ROBO2: variants seen among roughly 807,000 people sequenced by gnomAD.
ROBO2 encodes the protein roundabout guidance receptor 2, also known as roundabout homolog 2.
A neutral mutation model predicts 160.8 loss-of-function variants in ROBO2; 53 were observed. The ratio of observed to expected loss-of-function variants is 0.33; its 90% CI spans 0.26 to 0.41. The LOEUF is 0.41. Among genes scored for constraint, ROBO2 ranks in the 10% least tolerant of loss-of-function variants. The pLI is 1.00. For missense variants in ROBO2, 1,577 were observed against 1,722.4 expected, an observed-to-expected ratio of 0.92 and a Z score of 1.49; for synonymous variants, 664 against 611.7, an observed-to-expected ratio of 1.09 and a Z score of -1.26.
rs113644757 is a variant in ROBO2 at position 76,078,488 on chromosome 3, C to T, written c.109+140886C>T. ...TCAAGCAATCCTCCTGCCTCAGCTT[C>T]CCAAGTAGCTAGGACTACAGACACA... On this transcript the variant is annotated intron_variant, in intron 2 of 26. Coordinates refer to the ROBO2 transcript ENST00000487694. 9.5e-3 allele frequency among the ~76,000 whole-genome samples: 1,445 copies of T among 152,210 alleles called. 28 individuals carry two copies. The highest frequency in any genetic ancestry group is 0.034 in the African/African-American group (1,399 of 41,516).
chr3:76,709,166 T>G (rs182414062), intron 2 of ROBO2, among the ~76,000 whole-genome samples: 1 of 152,094 alleles, frequency 6.6e-6, no homozygotes, highest in African/African-American at 2.4e-5. Flanking sequence ...TCATTGAAAA[T>G]TAGATATGCA....
chr3:77,558,055 T>C (rs763930018), exon 9 of ROBO2: 1 of 1,613,122 alleles, frequency 6.2e-7, no homozygotes, highest in Non-Finnish European at 8.5e-7. Flanking sequence ...CCTCTTCCTG[T>C]AATTAGCTGG....
At chr3:76,089,399 A>G (rs1003235794) in intron 2 of ROBO2, among the ~76,000 whole-genome samples, 4 of 152,244 alleles carry the variant, frequency 2.6e-5, no homozygotes, top group Admixed American at 6.5e-5. Context: ...CTACAAAACA[A>G]TGTCTCTCAG....
chr3:76,586,990 A>T (rs1403166485), intron 2 of ROBO2, among the ~76,000 whole-genome samples: 1 of 152,162 alleles, frequency 6.6e-6, no homozygotes, highest in Non-Finnish European at 1.5e-5. Flanking sequence ...AGTTTGCTTT[A>T]TACTTTTGTA....
chr3:77,097,816 A>T (rs553916458), intron 1 of ROBO2, among the ~76,000 whole-genome samples, 198 bp from the exon 2 acceptor site: 2 of 152,200 alleles, frequency 1.3e-5, no homozygotes, highest in African/African-American at 2.4e-5. Context: ...CCTTTGAGTT[A>T]ACATATTAAT....
intron 2 of ROBO2, among the ~76,000 whole-genome samples, chr3:76,353,429 G>C (rs1260176564): frequency 6.6e-6 from 1 of 151,958 alleles, no homozygotes; most frequent in Non-Finnish European, 1.5e-5. Flanking sequence ...CTGTGGGGTA[G>C]AGGTAGTTGT....
At chr3:76,812,310 A>T in intron 2 of ROBO2, among the ~76,000 whole-genome samples, 1 of 151,474 alleles carries the variant, frequency 6.6e-6, no homozygotes, top group Non-Finnish European at 1.5e-5. Flanking sequence ...TAAAAATTTT[A>T]AAAATTATAC....
At chr3:77,388,401 T>G (rs980920816) in intron 2 of ROBO2, among the ~76,000 whole-genome samples, 1 of 151,998 alleles carries the variant, frequency 6.6e-6, no homozygotes, top group Non-Finnish European at 1.5e-5. Context: ...GGCAACAGAG[T>G]GAAACCTTGT....
intron 2 of ROBO2, among the ~76,000 whole-genome samples, chr3:76,004,996 C>G (rs2107583205): frequency 6.6e-6 from 1 of 152,278 alleles, no homozygotes; most frequent in East Asian, 1.9e-4. Flanking sequence ...GCCTTGTGAA[C>G]AGATTCAGCT....
chr3:75,996,682 TTAA>T (rs1320272819), intron 2 of ROBO2, among the ~76,000 whole-genome samples: 1 of 152,238 alleles, frequency 6.6e-6, no homozygotes, highest in Non-Finnish European at 1.5e-5. Context: ...CAAATATTTC[TTAA>T]TAATTTACCT....
intron 1 of ROBO2, among the ~76,000 whole-genome samples, chr3:75,913,465 C>T (rs1209275899): frequency 1.3e-5 from 2 of 152,064 alleles, no homozygotes; most frequent in African/African-American, 2.4e-5. Context: ...TGCTTGCTTA[C>T]GCATGGAAAA....
intron 2 of ROBO2, among the ~76,000 whole-genome samples, chr3:76,730,250 A>G (rs1447272312): frequency 1.2e-5 from 1 of 83,104 alleles, no homozygotes; most frequent in Non-Finnish European, 2.4e-5. Context: ...CCTACTCCCT[A>G]CCCGCTTCTC....
intron 2 of ROBO2, among the ~76,000 whole-genome samples, chr3:76,499,686 G>T (rs770597708): frequency 3.2e-4 from 49 of 152,318 alleles, no homozygotes; most frequent in Middle Eastern, 3.4e-3. Context: ...AGTAGAGTCA[G>T]AGTTAGCAAA....
chr3:77,592,969 A>G (rs2094214469), intron 17 of ROBO2, among the ~76,000 whole-genome samples: 1 of 152,106 alleles, frequency 6.6e-6, no homozygotes, highest in Admixed American at 6.6e-5. Flanking sequence ...CAATGTTTGT[A>G]CCTCTGTGTC....
At chr3:77,041,979 T>G (rs1397809890) in intron 1 of ROBO2, among the ~76,000 whole-genome samples, 2 of 152,190 alleles carry the variant, frequency 1.3e-5, no homozygotes, top group Non-Finnish European at 2.9e-5. Flanking sequence ...ACTGCCTATT[T>G]TGGCCCATCT....
At chr3:75,969,076 G>C (rs1345907281) in intron 2 of ROBO2, among the ~76,000 whole-genome samples, 1 of 150,230 alleles carries the variant, frequency 6.7e-6, no homozygotes, top group African/African-American at 2.4e-5. Context: ...ATGCCATCCA[G>C]GTTCATCCAT....
intron 2 of ROBO2, among the ~76,000 whole-genome samples, chr3:76,967,068 CA>C (rs1329949468): frequency 6.6e-6 from 1 of 152,126 alleles, no homozygotes; most frequent in East Asian, 1.9e-4. Flanking sequence ...CCTCAAATCT[CA>C]CATCAAACTT....
At chr3:77,453,111 T>C (rs930288813) in intron 2 of ROBO2, among the ~76,000 whole-genome samples, 2 of 152,174 alleles carry the variant, frequency 1.3e-5, no homozygotes, top group Admixed American at 6.5e-5. Context: ...ACCAACATCT[T>C]ATTCTATTTT....
At chr3:77,250,879 G>A (rs1378637363) in intron 2 of ROBO2, among the ~76,000 whole-genome samples, 2 of 152,158 alleles carry the variant, frequency 1.3e-5, no homozygotes, top group Non-Finnish European at 2.9e-5. Flanking sequence ...TGAGGGCGGA[G>A]TCTTCATGAC....
Sources: gnomAD v4.1 joint callset for allele counts (sites outside exome capture counted in the v4.1 genomes callset) on GRCh38, gnomAD v4.1.1 for gene constraint, MANE v1.5 for transcripts, NCBI Gene and HGNC (gene_info 2026-07-23, HGNC 2026-07-21) for gene names.